Variants in KALRN observed in about 807,000 individuals in gnomAD.
KALRN encodes the protein kalirin.
KALRN carries 70 observed loss-of-function variants against 353.7 expected under a neutral mutation model. The observed-to-expected ratio is 0.20, with a 90% confidence interval of 0.16 to 0.24. The LOEUF is 0.24. Among genes scored for constraint, KALRN ranks in the 10% least tolerant of loss-of-function variants. KALRN has a pLI of 1.00. For synonymous variants in KALRN, 1,391 were observed against 1,434.8 expected (o/e 0.97, Z 0.69); for missense variants, 2,791 against 3,756.7 (o/e 0.74, Z 6.72).
intron 13 of KALRN, among the ~76,000 whole-genome samples, chr3:124,406,709 A>T (rs574507757): frequency 3.9e-4 from 60 of 152,286 alleles, no homozygotes; most frequent in African/African-American, 1.4e-3. Flanking sequence ...AATGTATATA[A>T]TCACCTTTGC....
chr3:124,483,810 A>G (rs1307813082), intron 28 of KALRN, among the ~76,000 whole-genome samples: 1 of 152,216 alleles, frequency 6.6e-6, no homozygotes, highest in African/African-American at 2.4e-5. Flanking sequence ...TCTTATCTTT[A>G]AAAGTTAAAT....
Position 124,491,308 on chromosome 3 carries a change from A to G in KALRN, c.4588-15A>G. On this transcript the variant is annotated splice_polypyrimidine_tract_variant and intron_variant, in intron 30 of 59. Coordinates refer to ENST00000682506, the MANE Select transcript of KALRN (RefSeq NM_001388419.1). ...CTCCCCTTCCCCGCCTCTCATAGGC[A>G]TTTCCTGTCTACAGACCTCAGAGCT... is the stretch of plus-strand genomic sequence containing the variant. 1 of 1,548,788 alleles carries G rather than the reference A, an allele frequency of 6.5e-7. No homozygotes were observed. Among genetic ancestry groups the G allele is most frequent in the Non-Finnish European group, 8.7e-7 (1 of 1,145,176 alleles).
intron 37 of KALRN, among the ~76,000 whole-genome samples, chr3:124,643,017 A>G (rs2082275709): frequency 1.3e-5 from 2 of 151,836 alleles, no homozygotes; most frequent in East Asian, 1.9e-4. Flanking sequence ...GGGTTTCTCC[A>G]TGTTGGTCAG....
intron 34 of KALRN, among the ~76,000 whole-genome samples, chr3:124,578,596 G>A (rs1223795542): frequency 1.3e-5 from 2 of 152,166 alleles, no homozygotes; most frequent in Non-Finnish European, 2.9e-5. Flanking sequence ...GAAATCCTCT[G>A]CAGAGCTTTT....
intron 1 of KALRN, among the ~76,000 whole-genome samples, chr3:124,151,476 G>A (rs1300832806): frequency 6.6e-6 from 1 of 151,926 alleles, no homozygotes; most frequent in Non-Finnish European, 1.5e-5. Flanking sequence ...ATGTTTATTC[G>A]CCATTTGGAT....
chr3:124,313,878 G>A (rs1186630532), intron 6 of KALRN, among the ~76,000 whole-genome samples: 1 of 152,166 alleles, frequency 6.6e-6, no homozygotes, highest in Non-Finnish European at 1.5e-5. Flanking sequence ...TGGACTTGGA[G>A]GGTGTCAGTT....
intron 34 of KALRN, among the ~76,000 whole-genome samples, chr3:124,622,000 G>A (rs644511): frequency 0.72 from 110,123 of 152,178 alleles, 40,481 homozygotes; most frequent in East Asian, 0.87. Context: ...TGTGAACAAA[G>A]ATGTATATAT....
intron 50 of KALRN, 168 bp downstream of exon 50, chr3:124,678,481 A>T: frequency 1.6e-6 from 1 of 632,994 alleles, no homozygotes; most frequent in Non-Finnish European, 2.6e-6. Flanking sequence ...TTTATTTTTT[A>T]TCTTTTATTT....
intron 1 of KALRN, among the ~76,000 whole-genome samples, chr3:124,081,559 C>G (rs767263856): frequency 1.3e-5 from 2 of 152,136 alleles, no homozygotes; most frequent in Non-Finnish European, 2.9e-5. Flanking sequence ...TCGCTTGAAC[C>G]TAGGAGTTCA....
chr3:124,341,071 C>A (rs1368078036), intron 9 of KALRN, among the ~76,000 whole-genome samples: 1 of 152,210 alleles, frequency 6.6e-6, no homozygotes, highest in Non-Finnish European at 1.5e-5. Flanking sequence ...TTGGAATAAA[C>A]ACAATTAGAT....
chr3:124,405,865 C>T (rs528448278), intron 13 of KALRN, among the ~76,000 whole-genome samples: 3 of 151,962 alleles, frequency 2.0e-5, no homozygotes, highest in Admixed American at 6.6e-5. Flanking sequence ...AGGATGGCCT[C>T]GATCTCCTGA....
At chr3:124,244,946 G>A (rs761154622) in intron 3 of KALRN, among the ~76,000 whole-genome samples, 1 of 151,972 alleles carries the variant, frequency 6.6e-6, no homozygotes, top group Non-Finnish European at 1.5e-5. Context: ...TCAAATCAGA[G>A]GCATTGAGAT....
intron 57 of KALRN, among the ~76,000 whole-genome samples, chr3:124,704,425 A>G (rs529827007): frequency 6.6e-6 from 1 of 152,344 alleles, no homozygotes; most frequent in African/African-American, 2.4e-5. Context: ...TTTTTGTTTT[A>G]AAGTCTCTAA....
intron 48 of KALRN, among the ~76,000 whole-genome samples, chr3:124,673,261 A>G (rs184564086): frequency 2.2e-4 from 33 of 151,912 alleles, no homozygotes; most frequent in African/African-American, 7.5e-4. Flanking sequence ...CAGGCACGGT[A>G]GCATGCACCT....
chr3:124,154,547 C>T (rs2068685979), intron 1 of KALRN, among the ~76,000 whole-genome samples: 1 of 152,196 alleles, frequency 6.6e-6, no homozygotes, highest in Non-Finnish European at 1.5e-5. Flanking sequence ...AGGAATCCAA[C>T]TTACAAGGGA....
chr3:124,085,525 G>T (rs970492191), intron 1 of KALRN, among the ~76,000 whole-genome samples: 1 of 152,192 alleles, frequency 6.6e-6, no homozygotes, highest in African/African-American at 2.4e-5. Flanking sequence ...AACTCCATCT[G>T]CCAGCCACTT....
intron 5 of KALRN, among the ~76,000 whole-genome samples, chr3:124,280,689 C>T (rs1315580405): frequency 6.6e-6 from 1 of 152,100 alleles, no homozygotes; most frequent in African/African-American, 2.4e-5. Context: ...AGTTTGCCCA[C>T]CCAGAGAATG....
At position 124,289,901 on chromosome 3, in the gene KALRN, G is replaced by A. The variant is rs1405819964; in HGVS notation, c.970-8890G>A. Among the ~76,000 whole-genome samples, 9 of 152,130 alleles carry A rather than the reference G, an allele frequency of 5.9e-5. No individual in the cohort carries two copies. The South Asian group carries it at 6.2e-4, about 11-fold the overall frequency. On this transcript the variant is annotated intron_variant, in intron 5 of 59. Coordinates refer to ENST00000682506, the MANE Select transcript of KALRN (RefSeq NM_001388419.1). ...TTATTGTTGTTGAAGTTGTGGGCCC[G>A]GGTGGATATTCACATGGAGAGGGTT...
intron 1 of KALRN, among the ~76,000 whole-genome samples, chr3:124,076,619 A>G (rs1183163542): frequency 6.6e-5 from 10 of 152,176 alleles, no homozygotes; most frequent in Non-Finnish European, 2.9e-5. Flanking sequence ...GAGTCTTGCA[A>G]TGATGATATT....
Sources: gnomAD v4.1 joint callset for allele counts (sites outside exome capture counted in the v4.1 genomes callset) on GRCh38, gnomAD v4.1.1 for gene constraint, MANE v1.5 for transcripts, NCBI Gene and HGNC (gene_info 2026-07-23, HGNC 2026-07-21) for gene names.